GRIK2: variants seen among roughly 807,000 people sequenced by gnomAD.
GRIK2 encodes the protein glutamate receptor ionotropic, kainate 2.
In GRIK2, 32 loss-of-function variants were observed where a neutral mutation model predicts 100.3. That is an observed-to-expected ratio of 0.32 (90% confidence interval 0.24 to 0.43). The LOEUF is 0.43. Among genes scored for constraint, GRIK2 ranks in the 20% least tolerant of loss-of-function variants. The probability of loss-of-function intolerance (pLI) is 1.00; values close to 1 mark genes in which losing one functional copy is unlikely to be tolerated. For synonymous variants in GRIK2, 417 were observed against 389.4 expected (o/e 1.07, Z -0.83); for missense variants, 843 against 1,114.9 (o/e 0.76, Z 3.47).
chr6:101,869,865 A>G (rs993805278), intron 11 of GRIK2, among the ~76,000 whole-genome samples: 1 of 151,812 alleles, frequency 6.6e-6, no homozygotes, highest in African/African-American at 2.4e-5. Context: ...GGGTGTTGTT[A>G]GAGATCAAAG....
intron 2 of GRIK2, among the ~76,000 whole-genome samples, chr6:101,426,356 T>C (rs926477625): frequency 6.6e-6 from 1 of 152,184 alleles, no homozygotes; most frequent in African/African-American, 2.4e-5. Context: ...CTTCTAGCTA[T>C]TTTGAAACAT....
intron 14 of GRIK2, among the ~76,000 whole-genome samples, chr6:101,939,455 G>A (rs1428874485): frequency 4.6e-5 from 7 of 151,966 alleles, no homozygotes; most frequent in South Asian, 2.1e-4. Flanking sequence ...TATGAATACC[G>A]TACTTTTGCA....
At chr6:102,046,999 A>C (rs1770924807) in intron 15 of GRIK2, among the ~76,000 whole-genome samples, 2 of 152,178 alleles carry the variant, frequency 1.3e-5, no homozygotes, top group African/African-American at 4.8e-5. Flanking sequence ...AGTGTTAAAA[A>C]ATATATTGAA....
chr6:101,488,481 G>A (rs1010396092), intron 2 of GRIK2, among the ~76,000 whole-genome samples: 2 of 146,702 alleles, frequency 1.4e-5, no homozygotes, highest in Non-Finnish European at 3.0e-5. Context: ...AGGTGAAGAC[G>A]AATTTTGTGT....
chr6:101,933,625 G>A (rs1279345569), intron 14 of GRIK2, among the ~76,000 whole-genome samples: 1 of 151,830 alleles, frequency 6.6e-6, no homozygotes, highest in Non-Finnish European at 1.5e-5. Context: ...CTAAATCAAT[G>A]CCACAGCTTT....
intron 14 of GRIK2, among the ~76,000 whole-genome samples, chr6:102,032,906 G>A (rs1562125906): frequency 6.6e-6 from 1 of 151,134 alleles, no homozygotes; most frequent in African/African-American, 2.4e-5. Context: ...TTTCACTGTG[G>A]GGTATATAGT....
intron 12 of GRIK2, among the ~76,000 whole-genome samples, chr6:101,923,053 A>G (rs1462062427): frequency 6.6e-6 from 1 of 152,144 alleles, no homozygotes; most frequent in East Asian, 1.9e-4. Flanking sequence ...AACTTAGAGA[A>G]CCAAACAAAA....
intron 2 of GRIK2, among the ~76,000 whole-genome samples, chr6:101,449,934 A>C (rs1770581477): frequency 6.6e-6 from 1 of 151,702 alleles, no homozygotes; most frequent in Non-Finnish European, 1.5e-5. Context: ...AAAATGGGAA[A>C]ATTCTCCGAT....
intron 12 of GRIK2, among the ~76,000 whole-genome samples, chr6:101,922,399 T>A (rs966826114): frequency 1.3e-5 from 2 of 152,136 alleles, no homozygotes; most frequent in African/African-American, 4.8e-5. Flanking sequence ...TCTTTAGCTA[T>A]GTTTCTAGGA....
At chr6:101,549,360 T>G (rs2128291836) in intron 2 of GRIK2, among the ~76,000 whole-genome samples, 1 of 151,906 alleles carries the variant, frequency 6.6e-6, no homozygotes. Flanking sequence ...GCTTGGCATT[T>G]CACGGAGACA....
intron 2 of GRIK2, among the ~76,000 whole-genome samples, chr6:101,437,193 G>A (rs964274197): frequency 1.3e-5 from 2 of 152,038 alleles, no homozygotes; most frequent in Non-Finnish European, 2.9e-5. Context: ...CCACATGGCT[G>A]ACTTATTTCT....
chr6:101,395,154 A>C (rs983308515), intron 1 of GRIK2, among the ~76,000 whole-genome samples: 1 of 152,236 alleles, frequency 6.6e-6, no homozygotes, highest in South Asian at 2.1e-4. Context: ...GCAAGTATGC[A>C]ACAGTGTGAT....
At chr6:101,481,883 T>C (rs1258086944) in intron 2 of GRIK2, among the ~76,000 whole-genome samples, 1 of 152,140 alleles carries the variant, frequency 6.6e-6, no homozygotes, top group African/African-American at 2.4e-5. Flanking sequence ...CTGATGATAG[T>C]GAGTGAGTTC....
At chr6:101,677,924 T>G (rs1205850965) in intron 5 of GRIK2, among the ~76,000 whole-genome samples, 1 of 152,196 alleles carries the variant, frequency 6.6e-6, no homozygotes, top group Non-Finnish European at 1.5e-5. Context: ...GAAAAATTGC[T>G]ATAGTTTTAT....
intron 14 of GRIK2, among the ~76,000 whole-genome samples, chr6:102,003,250 T>TATATATGGGATA (rs1389943676): frequency 6.9e-4 from 104 of 151,756 alleles, no homozygotes; most frequent in African/African-American, 2.5e-3. Context: ...TATGTATATT[T>TATATATGGGATA]ATATATGGGA....
At chr6:101,553,227 G>T (rs1776594422) in intron 2 of GRIK2, among the ~76,000 whole-genome samples, 1 of 152,186 alleles carries the variant, frequency 6.6e-6, no homozygotes, top group Non-Finnish European at 1.5e-5. Flanking sequence ...AATGTGCATA[G>T]TGATTGTCCT....
intron 14 of GRIK2, among the ~76,000 whole-genome samples, chr6:102,002,227 T>A (rs1333087743): frequency 6.7e-6 from 1 of 150,032 alleles, no homozygotes; most frequent in Non-Finnish European, 1.5e-5. Flanking sequence ...TCTATCACAA[T>A]GAGCTTGATT....
intron 7 of GRIK2, among the ~76,000 whole-genome samples, chr6:101,788,353 T>TC (rs909170890): frequency 3.3e-5 from 5 of 150,246 alleles, no homozygotes; most frequent in African/African-American, 1.2e-4. Context: ...ATGCTATCCC[T>TC]CCCCCCTGCC....
intron 8 of GRIK2, 68 bp downstream of exon 8, chr6:101,799,859 G>T: frequency 2.5e-5 from 32 of 1,268,290 alleles, no homozygotes; most frequent in South Asian, 9.4e-5. Flanking sequence ...AGATTATTGT[G>T]GTTTTTCTAG....
Sources: allele counts gnomAD v4.1 joint callset (sites outside exome capture counted in the v4.1 genomes callset), GRCh38; gene constraint gnomAD v4.1.1; transcripts MANE v1.5; gene names NCBI Gene and HGNC (gene_info 2026-07-23, HGNC 2026-07-21).